The following AFTPH variants were observed in gnomAD, a reference collection of about 807,000 sequenced individuals.
The protein encoded by AFTPH is aftiphilin protein.
AFTPH carries 7 observed loss-of-function variants against 72.5 expected under a neutral mutation model. The observed-to-expected ratio is 0.10, with a 90% CI of 0.05 to 0.18. The LOEUF is 0.18. Ranked by LOEUF, AFTPH falls within the 10% of genes least tolerant of loss-of-function variation. The pLI is 1.00. For missense variants in AFTPH, 979 were observed against 1,060.5 expected (o/e 0.92, Z 1.07); for synonymous variants, 337 against 370.1 (o/e 0.91, Z 1.03).
At chr2:64,575,479 T>C (rs1238520197) in intron 6 of AFTPH, among the ~76,000 whole-genome samples, 1 of 151,990 alleles carries the variant, frequency 6.6e-6, no homozygotes, top group African/African-American at 2.4e-5. Context: ...TAGCCAGGCA[T>C]GATGGCATGA....
intron 4 of AFTPH, 38 bp from the exon 5 acceptor site, chr2:64,569,585 C>T: frequency 6.3e-7 from 1 of 1,594,586 alleles, no homozygotes; most frequent in Non-Finnish European, 8.6e-7. Context: ...ATAGATTATT[C>T]TCTAAATATA....
At chr2:64,567,782 A>C in intron 3 of AFTPH, 69 bp downstream of exon 3, 1 of 1,526,372 alleles carries the variant, frequency 6.6e-7, no homozygotes, top group South Asian at 1.3e-5. Flanking sequence ...TTATAAGTTT[A>C]TCTTAAAACA....
At chr2:64,534,751 T>A (rs1031345000) in intron 1 of AFTPH, among the ~76,000 whole-genome samples, 1 of 151,940 alleles carries the variant, frequency 6.6e-6, no homozygotes, top group African/African-American at 2.4e-5. Flanking sequence ...TGTTTTTTTT[T>A]TTTTTCTGAG....
chr2:64,592,514 ATGGG>A (rs1673887389), exon 9 of AFTPH: 1 of 152,458 alleles, frequency 6.6e-6, no homozygotes, highest in Non-Finnish European at 1.5e-5. Context: ...TTTGTGTATG[ATGGG>A]TTTCAGATCT....
chr2:64,530,986 C>T (rs1301089770), intron 1 of AFTPH, among the ~76,000 whole-genome samples: 3 of 138,094 alleles, frequency 2.2e-5, no homozygotes, highest in South Asian at 2.5e-4. Flanking sequence ...TGCTTGAACC[C>T]GGGAGGTGGA....
rs1672978725 is a variant in AFTPH, at chr2:64,578,698, C to T, written c.2395-788C>T. 4.6e-5 allele frequency among the ~76,000 whole-genome samples: 7 copies of T among 150,634 alleles called. No homozygotes were observed. In the South Asian group the frequency reaches 1.5e-3, roughly 32 times the overall value. On this transcript the variant is annotated intron_variant, in intron 6 of 8. Transcript: ENST00000238856. ...TCAGCCTCCCAAGTAGCTGGGATTACAGGCGTGTGCCACCATGCCTGGCTA... is the reference window on the plus strand; with the variant it reads ...TCAGCCTCCCAAGTAGCTGGGATTATAGGCGTGTGCCACCATGCCTGGCTA...
At chr2:64,527,568 A>G (rs1669351924) in intron 1 of AFTPH, among the ~76,000 whole-genome samples, 1 of 144,132 alleles carries the variant, frequency 6.9e-6, no homozygotes, top group South Asian at 2.2e-4. Context: ...CAACAAGAGC[A>G]AAACATCATC....
chr2:64,527,199 G>A (rs1406719345), intron 1 of AFTPH, among the ~76,000 whole-genome samples: 1 of 152,194 alleles, frequency 6.6e-6, no homozygotes, highest in Non-Finnish European at 1.5e-5. Flanking sequence ...AAGAGATTAA[G>A]ATTTAACACA....
intron 2 of AFTPH, among the ~76,000 whole-genome samples, chr2:64,553,788 A>G (rs563029463): frequency 3.9e-4 from 58 of 150,162 alleles, no homozygotes; most frequent in African/African-American, 1.4e-3. Context: ...TGATTTTAAA[A>G]GAAGGTTAAA....
intron 1 of AFTPH, among the ~76,000 whole-genome samples, chr2:64,549,363 C>T (rs1479775100): frequency 8.6e-6 from 1 of 115,822 alleles, no homozygotes; most frequent in Non-Finnish European, 1.6e-5. Flanking sequence ...CTCTGTCACT[C>T]AGGCTGGAGT....
At chr2:64,585,400 G>C in intron 7 of AFTPH, 22 bp from the exon 9 acceptor site, 1 of 1,612,480 alleles carries the variant, frequency 6.2e-7, no homozygotes, top group Non-Finnish European at 8.5e-7. Context: ...TGCCATCACT[G>C]ACTATCATTT....
chr2:64,589,348 C>T (rs1673689011), intron 8 of AFTPH, among the ~76,000 whole-genome samples: 1 of 152,118 alleles, frequency 6.6e-6, no homozygotes, highest in African/African-American at 2.4e-5. Context: ...AATTAAAAAA[C>T]AATTGATCAT....
chr2:64,548,422 A>C (rs1406168421), intron 1 of AFTPH, among the ~76,000 whole-genome samples: 2 of 149,814 alleles, frequency 1.3e-5, no homozygotes, highest in African/African-American at 4.9e-5. Context: ...AAAAAAAAAA[A>C]AAAAAAAAAA....
At chr2:64,585,525 G>T in exon 8 of AFTPH, 1 of 1,611,444 alleles carries the variant, frequency 6.2e-7, no homozygotes. Context: ...CTACAGTAGA[G>T]AAGACAAGCA....
chr2:64,527,728 G>C (rs934735759), intron 1 of AFTPH, among the ~76,000 whole-genome samples: 1 of 152,196 alleles, frequency 6.6e-6, no homozygotes, highest in Non-Finnish European at 1.5e-5. Flanking sequence ...AATACAAGGA[G>C]CTTCTAAGTT....
exon 9 of AFTPH, chr2:64,592,744 T>C (rs1289791095): frequency 6.6e-6 from 1 of 152,670 alleles, no homozygotes; most frequent in Non-Finnish European, 1.5e-5. Flanking sequence ...ATTTACTTGT[T>C]ACTGATTTTT....
chr2:64,565,193 T>G (rs1468544777), intron 2 of AFTPH, among the ~76,000 whole-genome samples: 1 of 151,758 alleles, frequency 6.6e-6, no homozygotes, highest in East Asian at 1.9e-4. Context: ...ATAAAAATAT[T>G]TGGGCTGGGC....
intron 1 of AFTPH, among the ~76,000 whole-genome samples, chr2:64,546,142 C>T (rs938352335): frequency 1.3e-5 from 2 of 151,844 alleles, no homozygotes; most frequent in African/African-American, 4.8e-5. Context: ...ATCCTCCCAC[C>T]TCGGCCTCCC....
chr2:64,559,659 A>G (rs1015916941), intron 2 of AFTPH, among the ~76,000 whole-genome samples: 1 of 152,148 alleles, frequency 6.6e-6, no homozygotes, highest in Non-Finnish European at 1.5e-5. Context: ...TCTTAATCTC[A>G]TCTAGAAACA....
Sources: allele counts gnomAD v4.1 joint callset (sites outside exome capture counted in the v4.1 genomes callset), GRCh38; gene constraint gnomAD v4.1.1; transcripts MANE v1.5; gene names NCBI Gene and HGNC (gene_info 2026-07-23, HGNC 2026-07-21).